Variants in ANKS1A observed in about 807,000 individuals in gnomAD.
ANKS1A encodes the protein ankyrin repeat and SAM domain-containing protein 1A.
Under a neutral mutation model 120.3 loss-of-function variants are expected in ANKS1A, and 55 were observed. The observed-to-expected ratio is 0.46, with a 90% CI of 0.37 to 0.57. The LOEUF is 0.57. Among genes scored for constraint, ANKS1A ranks in the 20% least tolerant of loss-of-function variants. The pLI, the probability that ANKS1A is intolerant of heterozygous loss-of-function variation, is 0.00. For synonymous variants in ANKS1A, 590 were observed against 604.7 expected, an observed-to-expected ratio of 0.98 and a Z score of 0.36; for missense variants, 1,123 against 1,480.3, an observed-to-expected ratio of 0.76 and a Z score of 3.96.
chr6:34,975,164 T>C lies in ANKS1A; in HGVS notation c.435+4998T>C, dbSNP rs1050999079. On this transcript the variant is annotated intron_variant, in intron 3 of 23. Coordinates refer to ENST00000360359, the MANE Select transcript of ANKS1A (RefSeq NM_015245.3). ...CAATTGATGCAAACTACATTAAGAG[T>C]AAAGCTGAGGCCAGGTGCTGGAATT... Among the ~76,000 whole-genome samples the C allele has an allele frequency of 2.0e-5, 3 of 152,212 alleles. No homozygotes were observed. The East Asian group carries it at 5.8e-4, about 29-fold the overall frequency.
Position 35,089,673 on chromosome 6 carries a change from G to A in ANKS1A, c.*1064G>A. The A allele has an allele frequency of 4.0e-6, 4 of 991,914 alleles. No homozygotes were observed. The highest frequency in any genetic ancestry group is 4.8e-6 in the Non-Finnish European group (4 of 833,870). 61.4% of individuals were successfully genotyped at this position (991,914 alleles called of 1,614,324 possible). On this transcript the variant is annotated 3_prime_UTR_variant, in exon 24 of 24. Coordinates refer to ENST00000360359, the MANE Select transcript of ANKS1A (RefSeq NM_015245.3). ...ACAGTGCATCGATGCTCCCCCGCGT[G>A]GCCTTTGGGGCAGGCTGGCATCCCG...
At chr6:35,033,863 C>T (rs1295124372) in intron 11 of ANKS1A, among the ~76,000 whole-genome samples, 1 of 152,178 alleles carries the variant, frequency 6.6e-6, no homozygotes, top group Non-Finnish European at 1.5e-5. Context: ...CTGGATGTTG[C>T]AGCCTGTTCA....
chr6:34,973,449 G>A (rs146383984), intron 3 of ANKS1A, among the ~76,000 whole-genome samples: 138 of 152,274 alleles, frequency 9.1e-4, no homozygotes, highest in African/African-American at 3.2e-3. Flanking sequence ...TGTTCATTGG[G>A]TGATGGTGTT....
intron 12 of ANKS1A, among the ~76,000 whole-genome samples, chr6:35,055,830 A>G (rs1776197346): frequency 6.6e-6 from 1 of 152,182 alleles, no homozygotes; most frequent in African/African-American, 2.4e-5. Context: ...GTCTTGGATT[A>G]TGCTGGAGTC....
intron 14 of ANKS1A, among the ~76,000 whole-genome samples, chr6:35,079,095 C>T (rs1296146131): frequency 6.6e-6 from 1 of 152,222 alleles, no homozygotes; most frequent in African/African-American, 2.4e-5. Flanking sequence ...AGCTGGTGGG[C>T]CTGAGCCTCT....
chr6:35,079,578 G>A lies in ANKS1A; in HGVS notation c.2346G>A (p.Leu782=), dbSNP rs1446976787. The A allele has an allele frequency of 6.2e-7, 1 of 1,614,174 alleles. No homozygotes were observed. Among genetic ancestry groups the A allele is most frequent in the Non-Finnish European group, 8.5e-7 (1 of 1,180,018 alleles). ...GCGTGCCCTCCTGGCTGGACTCCCT[G>A]GGGCTGCAGGACTACGTCCATTCCT... is the stretch of plus-strand genomic sequence containing the variant. ...PPSVPSWLDS[L]GLQDYVHSFL... is the part of the protein sequence containing the mutation. The change falls in exon 15 of 24, where the codon CTG becomes CTA. Residue 782 remains leucine, a synonymous_variant. Coordinates refer to ENST00000360359, the MANE Select transcript of ANKS1A (RefSeq NM_015245.3).
chr6:34,940,685 C>T (rs1387892697), intron 1 of ANKS1A, among the ~76,000 whole-genome samples: 4 of 152,012 alleles, frequency 2.6e-5, no homozygotes, highest in African/African-American at 7.2e-5. Context: ...CCAAGGCAGG[C>T]GGATCACAAG....
In ANKS1A at chr6:35,089,549, T is replaced by C. The variant is rs151091771; in HGVS notation, c.*940T>C. On this transcript the variant is annotated 3_prime_UTR_variant, in exon 24 of 24. Transcript: ENST00000360359. ...TGATTTGTCTAATCAGCCTGTGTGA[T>C]TGGGGCTCATTTTGATTCTCTGAAT... 42 of 986,752 alleles carry C rather than the reference T, an allele frequency of 4.3e-5. No homozygotes were observed. In the East Asian group the frequency reaches 1.7e-3, roughly 40 times the overall value. The allele number at this position is 986,752 out of a possible 1,614,324, so 61.1% of individuals were successfully genotyped here.
intron 3 of ANKS1A, among the ~76,000 whole-genome samples, chr6:34,974,293 C>T (rs959202404): frequency 2.2e-5 from 1 of 45,078 alleles, no homozygotes; most frequent in Non-Finnish European, 4.4e-5. Flanking sequence ...CTTCCCCTTC[C>T]CTTCCCCTTC....
intron 3 of ANKS1A, 128 bp downstream of exon 3, chr6:34,970,294 C>A: frequency 8.8e-7 from 1 of 1,131,560 alleles, no homozygotes; most frequent in Non-Finnish European, 1.2e-6. Flanking sequence ...TTTTGATAAT[C>A]AGTTCCTTAG....
intron 1 of ANKS1A, among the ~76,000 whole-genome samples, chr6:34,916,917 C>T (rs114141742): frequency 5.4e-4 from 83 of 152,300 alleles, no homozygotes; most frequent in African/African-American, 1.8e-3. Context: ...TTCTTTAAGG[C>T]GGCAGCAATG....
chr6:34,980,072 G>C (rs898372447), intron 3 of ANKS1A, among the ~76,000 whole-genome samples: 8 of 152,262 alleles, frequency 5.3e-5, no homozygotes, highest in African/African-American at 1.4e-4. Context: ...GGCACAGGGA[G>C]GACCTCAAAG....
At chr6:34,890,758 TTTCC>T (rs990806827) in intron 1 of ANKS1A, among the ~76,000 whole-genome samples, 14 of 152,346 alleles carry the variant, frequency 9.2e-5, no homozygotes, top group African/African-American at 2.9e-4. Context: ...CTGATTTCTT[TTTCC>T]TTCCTTGTTC....
intron 1 of ANKS1A, among the ~76,000 whole-genome samples, chr6:34,896,792 C>T (rs990839114): frequency 1.3e-5 from 2 of 152,026 alleles, no homozygotes; most frequent in African/African-American, 2.4e-5. Context: ...TGGTAAAACC[C>T]CATCTCTATT....
At chr6:34,925,885 A>C (rs1023835166) in intron 1 of ANKS1A, among the ~76,000 whole-genome samples, 1 of 152,154 alleles carries the variant, frequency 6.6e-6, no homozygotes, top group African/African-American at 2.4e-5. Context: ...GGATGCTATA[A>C]ATTTCATACA....
At chr6:35,041,964 G>C (rs935691102) in intron 11 of ANKS1A, among the ~76,000 whole-genome samples, 1 of 152,180 alleles carries the variant, frequency 6.6e-6, no homozygotes, top group Non-Finnish European at 1.5e-5. Flanking sequence ...ATAGATGGTA[G>C]GTTAAAGAAA....
chr6:35,041,982 G>A (rs1264450161), intron 11 of ANKS1A, among the ~76,000 whole-genome samples: 1 of 152,188 alleles, frequency 6.6e-6, no homozygotes, highest in Middle Eastern at 3.2e-3. Flanking sequence ...AAAAGCCAGA[G>A]GATAATAACA....
At position 34,996,514 on chromosome 6, in the gene ANKS1A, C is replaced by G. The variant is rs577503188; in HGVS notation, c.1423+2092C>G. Among the ~76,000 whole-genome samples the G allele has an allele frequency of 1.1e-3, 166 of 151,696 alleles. 1 individual carries two copies. The South Asian group carries it at 0.032, about 29-fold the overall frequency. On this transcript the variant is annotated intron_variant, in intron 10 of 23. Coordinates refer to ENST00000360359, the MANE Select transcript of ANKS1A (RefSeq NM_015245.3). ...TTTAAGACGGAGTCTTGCTCTGTCA[C>G]CAGGCTGGAGTGCAGTGGCCCAATC... is the stretch of plus-strand genomic sequence containing the variant.
chr6:34,961,497 T>C (rs929130147), intron 1 of ANKS1A, among the ~76,000 whole-genome samples: 1 of 152,266 alleles, frequency 6.6e-6, no homozygotes, highest in African/African-American at 2.4e-5. Flanking sequence ...TGCTGCTTTT[T>C]GCAGTGAAGT....
Sources: allele counts gnomAD v4.1 joint callset (sites outside exome capture counted in the v4.1 genomes callset), GRCh38; gene constraint gnomAD v4.1.1; transcripts MANE v1.5; gene names NCBI Gene and HGNC (gene_info 2026-07-23, HGNC 2026-07-21).